Variants in METTL4 observed in about 807,000 individuals in gnomAD.
METTL4 encodes methyltransferase 4, N6-adenosine, also known as N(6)-adenine-specific methyltransferase METTL4.
A neutral mutation model predicts 54.0 loss-of-function variants in METTL4; 40 were observed. The ratio of observed to expected loss-of-function variants is 0.74; its 90% CI spans 0.58 to 0.96. The LOEUF is 0.96. Ranked by LOEUF, METTL4 falls within the 50% of genes least tolerant of loss-of-function variation. METTL4 has a pLI of 0.00. For missense variants in METTL4, 525 were observed against 549.0 expected, an observed-to-expected ratio of 0.96 and a Z score of 0.44; for synonymous variants, 169 against 183.8, an observed-to-expected ratio of 0.92 and a Z score of 0.65.
At chr18:2,558,732 T>C (rs541590441) in intron 3 of METTL4, among the ~76,000 whole-genome samples, 16 of 151,930 alleles carry the variant, frequency 1.1e-4, no homozygotes, top group South Asian at 2.1e-4. Context: ...ATATATCTGA[T>C]AGGGGGTTAA....
At chr18:2,555,120 A>G (rs2072220784) in intron 3 of METTL4, 82 bp from the exon 4 acceptor site, 1 of 1,353,022 alleles carries the variant, frequency 7.4e-7, no homozygotes, top group East Asian at 2.3e-5. Flanking sequence ...CTGAGTTTAT[A>G]AACTGAAATC....
At chr18:2,543,113 CAAAA>C (rs34850061) in intron 8 of METTL4, among the ~76,000 whole-genome samples, 1 of 85,424 alleles carries the variant, frequency 1.2e-5, no homozygotes. Flanking sequence ...GACTCCATCT[CAAAA>C]AAAAAAAAAA....
chr18:2,547,281 A>G, intron 6 of METTL4, 74 bp downstream of exon 6: 1 of 1,247,774 alleles, frequency 8.0e-7, no homozygotes, highest in East Asian at 2.5e-5. Context: ...CATGTTGAGC[A>G]TTACAAAGTA....
At chr18:2,548,055 A>G (rs760780030) in intron 5 of METTL4, among the ~76,000 whole-genome samples, 1 of 152,112 alleles carries the variant, frequency 6.6e-6, no homozygotes, top group African/African-American at 2.4e-5. Context: ...CTTCACAGGG[A>G]GTCATCTCAC....
chr18:2,552,954 C>A, intron 4 of METTL4, 190 bp from the exon 5 acceptor site: 2 of 532,450 alleles, frequency 3.8e-6, no homozygotes, highest in Non-Finnish European at 6.7e-6. Context: ...TCCTTTACCT[C>A]TAGAATTGTA....
At chr18:2,559,606 C>A (rs1410042191) in intron 3 of METTL4, among the ~76,000 whole-genome samples, 2 of 152,100 alleles carry the variant, frequency 1.3e-5, no homozygotes, top group African/African-American at 4.8e-5. Context: ...AAAAAAACCA[C>A]AAATTACTAA....
intron 5 of METTL4, among the ~76,000 whole-genome samples, chr18:2,552,008 T>C (rs1010996048): frequency 1.1e-4 from 16 of 151,952 alleles, no homozygotes; most frequent in African/African-American, 3.9e-4. Context: ...GCCTGGCCAA[T>C]ATGGTGAAAC....
chr18:2,550,150 G>A (rs984046879), intron 5 of METTL4, among the ~76,000 whole-genome samples: 9 of 152,186 alleles, frequency 5.9e-5, no homozygotes, highest in Non-Finnish European at 1.0e-4. Context: ...GCTACAGTAT[G>A]AAGAATGTCA....
intron 2 of METTL4, 56 bp downstream of exon 2, chr18:2,566,765 A>C (rs1005310167): frequency 1.5e-6 from 2 of 1,344,794 alleles, no homozygotes; most frequent in African/African-American, 3.0e-5. Flanking sequence ...ACATTTAGAT[A>C]ATAAATCTCA....
chr18:2,551,814 T>C (rs1029039798), intron 5 of METTL4, among the ~76,000 whole-genome samples: 1 of 152,162 alleles, frequency 6.6e-6, no homozygotes, highest in Non-Finnish European at 1.5e-5. Flanking sequence ...AGAAATTTCA[T>C]ATGAAGTTTA....
At position 2,538,668 on chromosome 18, in the gene METTL4, G is replaced by T; in HGVS notation, c.*332C>A. On this transcript the variant is annotated 3_prime_UTR_variant, in exon 9 of 9. Coordinates refer to ENST00000574538, the MANE Select transcript of METTL4 (RefSeq NM_022840.5). ...AAGTGTTTTTTACAACACTGTATGGGTCACACAAAACACATCCATAGATAG... is the reference window on the plus strand; with the variant it reads ...AAGTGTTTTTTACAACACTGTATGGTTCACACAAAACACATCCATAGATAG... The T allele has an allele frequency of 4.6e-6, 1 of 217,118 alleles. No individual in the cohort carries two copies. The highest frequency in any genetic ancestry group is 9.2e-6 in the Non-Finnish European group (1 of 108,946). 13.4% of individuals were successfully genotyped at this position (217,118 alleles called of 1,614,324 possible).
At position 2,538,092 on chromosome 18, in the gene METTL4, A is replaced by G. The variant is rs192156883; in HGVS notation, c.*908T>C. Reference sequence around the variant, plus strand: ...CTCAATTTTTAAAAAGTCAATACATAATAAATCAATATGCATTTCAAAGAA... The same window carrying G: ...CTCAATTTTTAAAAAGTCAATACATGATAAATCAATATGCATTTCAAAGAA... On this transcript the variant is annotated 3_prime_UTR_variant, in exon 9 of 9. Transcript: ENST00000574538. The G allele has an allele frequency of 5.0e-4, 196 of 395,922 alleles. 1 individual carries two copies. The highest frequency in any genetic ancestry group is 3.8e-3 in the African/African-American group (184 of 48,710). 24.5% of individuals were successfully genotyped at this position (395,922 alleles called of 1,614,324 possible). A position where few individuals can be genotyped will look rare whatever the true frequency, so the allele number is the denominator to read the frequency against.
Position 2,555,053 on chromosome 18 carries a change from T to G in METTL4, c.460-15A>C. The stretch of plus-strand genomic sequence containing the variant: ...AGCTCCCTGATCTGTAAGAGAATTT[T>G]AAGTACATTAAAAGAACGTTGACAT... On this transcript the variant is annotated splice_polypyrimidine_tract_variant and intron_variant, in intron 3 of 8. Transcript: ENST00000574538. 1.2e-6 allele frequency: 2 copies of G among 1,603,624 alleles called. No homozygotes were observed. Among genetic ancestry groups the G allele is most frequent in the Non-Finnish European group, 1.7e-6 (2 of 1,177,290 alleles).
At chr18:2,548,112 T>C (rs750351765) in intron 5 of METTL4, among the ~76,000 whole-genome samples, 3 of 152,152 alleles carry the variant, frequency 2.0e-5, no homozygotes, top group Non-Finnish European at 4.4e-5. Context: ...TAATCTATCA[T>C]CTTGCTTTTT....
rs925707427 is a variant in METTL4 at position 2,554,722 on chromosome 18, G to A, written c.776C>T (p.Pro259Leu). The change falls in exon 4 of 9, where the codon CCG becomes CTG. Residue 259 changes from proline to leucine, a missense_variant. Pro to Leu is a moderately conservative substitution (Grantham distance 98). Coordinates refer to ENST00000574538, the MANE Select transcript of METTL4 (RefSeq NM_022840.5). The part of the protein sequence containing the change: ...TLMGQKYLLP[P>L]KSSFLLSDIS... The stretch of plus-strand genomic sequence containing the variant: ...GTCAGATAAAAGAAAACTGCTTTTC[G>A]GTGGTAGCAGGTATTTCTGTCCCAT... 40 of 1,610,146 alleles carry A rather than the reference G, an allele frequency of 2.5e-5. No homozygotes were observed. The highest frequency in any genetic ancestry group is 3.1e-5 in the Non-Finnish European group (36 of 1,178,810).
rs138103957 is a variant in METTL4 at position 2,566,469 on chromosome 18, GTAAACATATTCAATTAATACA to G, written c.396+331_396+351del. ...CTTTTTTTTTAAAGCAAAAACAGTT[GTAAACATATTCAATTAATACA>G]AATGCCTAATCAAGAAAAGGGTTTT... On this transcript the variant is annotated intron_variant, in intron 2 of 8. Coordinates refer to ENST00000574538, the MANE Select transcript of METTL4 (RefSeq NM_022840.5). Among the ~76,000 whole-genome samples the G allele has an allele frequency of 6.7e-3, 1,014 of 152,250 alleles. 11 individuals are homozygous for G. Among genetic ancestry groups the G allele is most frequent in the African/African-American group, 0.023 (960 of 41,536 alleles).
intron 8 of METTL4, chr18:2,540,659 C>G: frequency 1.0e-6 from 1 of 985,384 alleles, no homozygotes; most frequent in Non-Finnish European, 1.2e-6. Flanking sequence ...AAATTAAATG[C>G]TACTAACCTT....
At chr18:2,563,044 A>G (rs2072345879) in intron 3 of METTL4, among the ~76,000 whole-genome samples, 1 of 152,206 alleles carries the variant, frequency 6.6e-6, no homozygotes, top group Non-Finnish European at 1.5e-5. Flanking sequence ...CTCCATGGAA[A>G]AAAAAATTAA....
intron 7 of METTL4, 29 bp from the exon 8 acceptor site, chr18:2,544,315 A>G (rs374659374): frequency 1.3e-6 from 2 of 1,539,768 alleles, no homozygotes; most frequent in Non-Finnish European, 1.8e-6. Context: ...AAAGTAAACT[A>G]TATTTTAAAA....
Sources: gnomAD v4.1 joint callset for allele counts (sites outside exome capture counted in the v4.1 genomes callset) on GRCh38, gnomAD v4.1.1 for gene constraint, MANE v1.5 for transcripts, NCBI Gene and HGNC (gene_info 2026-07-23, HGNC 2026-07-21) for gene names.